Variants in UBE4B observed in about 807,000 individuals in gnomAD.
UBE4B encodes ubiquitin conjugation factor E4 B.
A neutral mutation model predicts 148.1 loss-of-function variants in UBE4B; 27 were observed. The observed-to-expected ratio is 0.18, with a 90% confidence interval of 0.13 to 0.25. The LOEUF is 0.25. Among genes scored for constraint, UBE4B ranks in the 10% least tolerant of loss-of-function variants. The pLI is 1.00. For synonymous variants in UBE4B, 596 were observed against 619.3 expected (o/e 0.96, Z 0.56); for missense variants, 1,170 against 1,662.4 (o/e 0.70, Z 5.15).
chr1:10,100,962 A>G, intron 3 of UBE4B, 146 bp from the exon 4 acceptor site: 1 of 669,858 alleles, frequency 1.5e-6, no homozygotes. Flanking sequence ...AAGAACTCTT[A>G]AAAATTAATA....
intron 2 of UBE4B, among the ~76,000 whole-genome samples, chr1:10,090,185 T>C (rs571529265): frequency 1.2e-4 from 19 of 152,150 alleles, no homozygotes; most frequent in African/African-American, 4.3e-4. Context: ...AGAGGTGCCA[T>C]TGTGGCTCAC....
chr1:10,042,055 C>T (rs946538520), intron 1 of UBE4B, among the ~76,000 whole-genome samples: 1 of 152,188 alleles, frequency 6.6e-6, no homozygotes, highest in African/African-American at 2.4e-5. Context: ...CTGGGTCAGC[C>T]CCTCGAGTAT....
At chr1:10,110,797 G>C (rs1645204804) in intron 7 of UBE4B, among the ~76,000 whole-genome samples, 2 of 152,010 alleles carry the variant, frequency 1.3e-5, no homozygotes, top group Admixed American at 6.6e-5. Flanking sequence ...TGTTTTTGCT[G>C]ATTGTCACTG....
At chr1:10,158,619 C>A (rs1247338416) in intron 22 of UBE4B, 137 bp downstream of exon 22, 1 of 1,147,954 alleles carries the variant, frequency 8.7e-7, no homozygotes, top group South Asian at 1.6e-5. Context: ...CCACAAGATG[C>A]CACTAAATGT....
At chr1:10,126,036 C>T (rs1645487408) in intron 10 of UBE4B, among the ~76,000 whole-genome samples, 1 of 152,192 alleles carries the variant, frequency 6.6e-6, no homozygotes, top group African/African-American at 2.4e-5. Flanking sequence ...CGCGGTAGCT[C>T]ATGCCTGTGA....
intron 2 of UBE4B, among the ~76,000 whole-genome samples, chr1:10,082,796 C>T (rs1168374332): frequency 6.6e-6 from 1 of 151,618 alleles, no homozygotes; most frequent in Non-Finnish European, 1.5e-5. Flanking sequence ...TCCTAATGCT[C>T]TCCCTCCCCT....
chr1:10,104,202 G>A (rs1441804069), intron 5 of UBE4B, among the ~76,000 whole-genome samples: 1 of 152,170 alleles, frequency 6.6e-6, no homozygotes, highest in Non-Finnish European at 1.5e-5. Context: ...AAATTGCTTA[G>A]CAAGATAGAA....
intron 1 of UBE4B, among the ~76,000 whole-genome samples, chr1:10,047,915 A>AG (rs1557509966): frequency 1.3e-5 from 2 of 152,158 alleles, no homozygotes; most frequent in Non-Finnish European, 2.9e-5. Flanking sequence ...TTTGTCACCC[A>AG]GGCTAGAGTA....
intron 2 of UBE4B, among the ~76,000 whole-genome samples, chr1:10,077,776 A>C (rs1402408700): frequency 6.6e-6 from 1 of 152,172 alleles, no homozygotes; most frequent in Non-Finnish European, 1.5e-5. Flanking sequence ...TTTCTTCTAA[A>C]ATTAGAAAAA....
chr1:10,142,269 T>G (rs1348462163), intron 17 of UBE4B, among the ~76,000 whole-genome samples: 1 of 152,208 alleles, frequency 6.6e-6, no homozygotes, highest in Non-Finnish European at 1.5e-5. Context: ...TAAACTCTTG[T>G]GATACCCGTA....
At chr1:10,138,683 G>A (rs1645736503) in intron 17 of UBE4B, among the ~76,000 whole-genome samples, 1 of 151,710 alleles carries the variant, frequency 6.6e-6, no homozygotes, top group Admixed American at 6.6e-5. Context: ...TTAGTACAAT[G>A]TTGAATAGAA....
intron 19 of UBE4B, 81 bp from the exon 20 acceptor site, chr1:10,149,103 T>C (rs1007142697): frequency 4.1e-6 from 4 of 974,554 alleles, no homozygotes; most frequent in African/African-American, 3.3e-5. Flanking sequence ...GAAATACTTA[T>C]CCGATGGTAA....
chr1:10,164,343 G>A lies in UBE4B; in HGVS notation c.3198+3057G>A, dbSNP rs188948806. Among the ~76,000 whole-genome samples, 66 of 151,288 alleles carry A rather than the reference G, an allele frequency of 4.4e-4. No homozygotes were observed. The East Asian group carries it at 0.011, about 26-fold the overall frequency. On this transcript the variant is annotated intron_variant, in intron 23 of 27. Transcript: ENST00000343090. ...AGCCTGGGCAACAGAGCGAGACTCCGTCTCAAAAAAGAAAAAAAAAAAGAA... is the reference window on the plus strand; with the variant it reads ...AGCCTGGGCAACAGAGCGAGACTCCATCTCAAAAAAGAAAAAAAAAAAGAA...
intron 17 of UBE4B, among the ~76,000 whole-genome samples, chr1:10,138,059 C>T (rs183941051): frequency 2.7e-3 from 404 of 149,294 alleles, no homozygotes; most frequent in Middle Eastern, 6.9e-3. Flanking sequence ...TTCAGCCTCC[C>T]GAGTAGCTGG....
At chr1:10,112,685 C>T (rs1211310048) in intron 7 of UBE4B, among the ~76,000 whole-genome samples, 1 of 152,194 alleles carries the variant, frequency 6.6e-6, no homozygotes, top group Non-Finnish European at 1.5e-5. Flanking sequence ...TTCTCCATAG[C>T]ATAAATTTAT....
intron 16 of UBE4B, among the ~76,000 whole-genome samples, chr1:10,135,764 G>GA (rs925504462): frequency 4.2e-4 from 57 of 135,248 alleles, no homozygotes; most frequent in African/African-American, 1.4e-3. Context: ...GATACAAATT[G>GA]AAAAAAAAAA....
chr1:10,117,817 G>A (rs896027139), intron 8 of UBE4B, among the ~76,000 whole-genome samples: 1 of 152,192 alleles, frequency 6.6e-6, no homozygotes, highest in African/African-American at 2.4e-5. Flanking sequence ...CAGAGCCAAG[G>A]TTTGAACCTA....
intron 7 of UBE4B, among the ~76,000 whole-genome samples, chr1:10,114,343 G>A (rs1394153185): frequency 6.6e-6 from 1 of 152,146 alleles, no homozygotes; most frequent in African/African-American, 2.4e-5. Flanking sequence ...GGGATCGCAG[G>A]TCTTGAAACT....
chr1:10,107,286 G>T, intron 7 of UBE4B: 3 of 1,289,624 alleles, frequency 2.3e-6, no homozygotes, highest in Middle Eastern at 4.3e-4. Context: ...TGATGAAGAA[G>T]ATGAAGAAGA....
Sources: allele counts gnomAD v4.1 joint callset (sites outside exome capture counted in the v4.1 genomes callset), GRCh38; gene constraint gnomAD v4.1.1; transcripts MANE v1.5; gene names NCBI Gene and HGNC (gene_info 2026-07-23, HGNC 2026-07-21).